Variants in EXTL2 observed in about 807,000 individuals in gnomAD.
EXTL2 encodes exostosin like glycosyltransferase 2.
EXTL2 carries 23 observed loss-of-function variants against 30.7 expected under a neutral mutation model. The observed-to-expected ratio is 0.75, with a 90% CI of 0.54 to 1.06. EXTL2 has a LOEUF of 1.06. Among genes scored for constraint, EXTL2 ranks in the 50% least tolerant of loss-of-function variants. EXTL2 has a pLI of 0.00. For synonymous variants in EXTL2, 123 were observed against 133.8 expected (o/e 0.92, Z 0.56); for missense variants, 352 against 396.3 (o/e 0.89, Z 0.95).
chr1:100,895,141 C>T (rs1557966499), upstream of EXTL2: 2 of 152,280 alleles, frequency 1.3e-5, no homozygotes, highest in Non-Finnish European at 2.9e-5. Flanking sequence ...CAGCTTCTGC[C>T]TGCACGTTGC....
At chr1:100,878,411 C>G (rs1455892381) in intron 2 of EXTL2, 1 of 470,894 alleles carries the variant, frequency 2.1e-6, no homozygotes, top group South Asian at 1.5e-5. Context: ...ACAGATAGTT[C>G]CTGAGCACTT....
chr1:100,887,554 A>G (rs1466573342), intron 2 of EXTL2, among the ~76,000 whole-genome samples: 1 of 152,188 alleles, frequency 6.6e-6, no homozygotes, highest in East Asian at 1.9e-4. Flanking sequence ...AATCTTTAGA[A>G]AGAAAGGAAA....
chr1:100,876,993 A>T (rs1649172812), intron 3 of EXTL2, 129 bp from the exon 4 acceptor site: 6 of 606,744 alleles, frequency 9.9e-6, no homozygotes, highest in Non-Finnish European at 1.7e-5. Context: ...TAAGCAATGT[A>T]TTCTTGGGGA....
chr1:100,889,224 G>C (rs1227942594), intron 1 of EXTL2, among the ~76,000 whole-genome samples: 1 of 152,204 alleles, frequency 6.6e-6, no homozygotes, highest in African/African-American at 2.4e-5. Flanking sequence ...GGGCAGGAGA[G>C]AGTGAGTAAG....
Position 100,877,949 on chromosome 1 carries a change from A to C in EXTL2, c.6-46T>G. On this transcript the variant is annotated intron_variant, in intron 2 of 4. Coordinates refer to ENST00000370114, the MANE Select transcript of EXTL2 (RefSeq NM_001033025.3). This position sits in a 1 kb window ranked among gnomAD's most constrained non-coding sequence, Gnocchi z 4.1. The stretch of plus-strand genomic sequence containing the variant: ...ACATACAAATGTTAGCATTCTTACG[A>C]GTCCCTGTGTTTTCATGTTTTTTTC... 2.1e-6 allele frequency: 3 copies of C among 1,413,060 alleles called. No individual in the cohort carries two copies. The highest frequency in any genetic ancestry group is 2.9e-6 in the Non-Finnish European group (3 of 1,041,896). The allele number at this position is 1,413,060 out of a possible 1,614,324, so 87.5% of individuals were successfully genotyped here. A position where few individuals can be genotyped will look rare whatever the true frequency, so the allele number is the denominator to read the frequency against.
At position 100,877,618 on chromosome 1, in the gene EXTL2, C is replaced by G; in HGVS notation, c.291G>C (p.Val97=). The stretch of plus-strand genomic sequence containing the variant: ...CCTTCTCTCCAATATTGTTCCATAC[C>G]ACAATCACTTTGTGCAGATTTGGTA... ...QAVPNLHKVI[V]VWNNIGEKAP... Residue 97 remains valine, a synonymous_variant, in exon 3 of 5, where the codon GTG becomes GTC. Transcript: ENST00000370114. This position sits in a 1 kb window ranked among gnomAD's most constrained non-coding sequence, Gnocchi z 4.1. 6.2e-7 allele frequency: 1 copy of G among 1,613,560 alleles called. No individual in the cohort carries two copies. Among genetic ancestry groups the G allele is most frequent in the Middle Eastern group, 1.7e-4 (1 of 6,052 alleles).
In EXTL2 at chr1:100,874,438, G is replaced by C. The variant is rs770304647; in HGVS notation, c.505-8C>G. On this transcript the variant is annotated splice_polypyrimidine_tract_variant and splice_region_variant and intron_variant, in intron 4 of 4. Coordinates refer to ENST00000370114, the MANE Select transcript of EXTL2 (RefSeq NM_001033025.3). ...AATTTGATCAGGAAATTGCTGAAAA[G>C]AGGGAAAAAGAACAATAAAATGTCA... 1.3e-6 allele frequency: 2 copies of C among 1,563,882 alleles called. No individual in the cohort carries two copies. The highest frequency in any genetic ancestry group is 1.4e-5 in the African/African-American group (1 of 72,682).
At chr1:100,874,882 GTTGAT>G (rs1400618050) in intron 4 of EXTL2, among the ~76,000 whole-genome samples, 1 of 151,938 alleles carries the variant, frequency 6.6e-6, no homozygotes, top group Non-Finnish European at 1.5e-5. Flanking sequence ...TCTTTTTCAT[GTTGAT>G]TTCGATGTTC....
At position 100,877,776 on chromosome 1, in the gene EXTL2, C is replaced by T. The variant is rs1294469381; in HGVS notation, c.133G>A (p.Glu45Lys). The change falls in exon 3 of 5, where the codon GAA (glutamate) becomes AAA (lysine). Residue 45 changes from glutamate (E) to lysine (K), a missense_variant. Transcript: ENST00000370114. The surrounding 1 kb of genome is among the most constrained non-coding windows in gnomAD (Gnocchi z 4.1). ...ALTALLPSVK[E>K]DKMLMLRREI... ...CTACGCAACATGAGCATCTTGTCTT[C>T]TTTAACACTGGGAAGTAAGGCAGTC... The T allele has an allele frequency of 1.2e-6, 2 of 1,612,412 alleles. No individual in the cohort carries two copies. Among genetic ancestry groups the T allele is most frequent in the Non-Finnish European group, 1.7e-6 (2 of 1,179,632 alleles).
intron 2 of EXTL2, among the ~76,000 whole-genome samples, chr1:100,884,374 G>T (rs1649798704): frequency 6.6e-6 from 1 of 152,176 alleles, no homozygotes; most frequent in Admixed American, 6.5e-5. Flanking sequence ...GGCCTCAGCT[G>T]CCAAGAGATA....
At chr1:100,875,676 G>A (rs774865865) in intron 4 of EXTL2, among the ~76,000 whole-genome samples, 2 of 152,012 alleles carry the variant, frequency 1.3e-5, no homozygotes, top group African/African-American at 2.4e-5. Flanking sequence ...CTGAATTTAA[G>A]TTGGTCAATG....
At chr1:100,882,875 C>T (rs561239372) in intron 2 of EXTL2, among the ~76,000 whole-genome samples, 47 of 152,188 alleles carry the variant, frequency 3.1e-4, no homozygotes, top group African/African-American at 1.1e-3. Flanking sequence ...AAAATACTGC[C>T]CCAATAATTA....
At position 100,877,723 on chromosome 1, in the gene EXTL2, G is replaced by C; in HGVS notation, c.186C>G (p.Thr62=). 1 of 1,613,500 alleles carries C rather than the reference G, an allele frequency of 6.2e-7. No homozygotes were observed. Among genetic ancestry groups the C allele is most frequent in the Non-Finnish European group, 8.5e-7 (1 of 1,179,630 alleles). The stretch of plus-strand genomic sequence containing the variant: ...GCATTATGAGAGTAAAGGAGTCCAT[G>C]GTGGACTTGCCCTGGGATTTTATTT... ...RREIKSQGKS[T]MDSFTLIMQT... The change falls in exon 3 of 5, where the codon ACC becomes ACG. Residue 62 remains threonine (T), a synonymous_variant. Transcript: ENST00000370114. The surrounding 1 kb of genome is among the most constrained non-coding windows in gnomAD (Gnocchi z 4.1).
At chr1:100,880,816 A>C (rs1649494007) in intron 2 of EXTL2, 1 of 269,086 alleles carries the variant, frequency 3.7e-6, no homozygotes, top group Non-Finnish European at 5.7e-6. Context: ...GGAATAGCAC[A>C]TTTTAAAACT....
chr1:100,887,839 C>T (rs1650089120), intron 2 of EXTL2, among the ~76,000 whole-genome samples: 1 of 152,154 alleles, frequency 6.6e-6, no homozygotes. Flanking sequence ...GCTGGGACTA[C>T]AGGCGTCCGC....
At chr1:100,878,342 A>AT in intron 2 of EXTL2, 2 of 458,262 alleles carry the variant, frequency 4.4e-6, no homozygotes, top group Admixed American at 2.5e-5. Flanking sequence ...TGGTAGGTGT[A>AT]TTACTTACCA....
At chr1:100,884,058 C>T (rs1262830659) in intron 2 of EXTL2, among the ~76,000 whole-genome samples, 1 of 152,116 alleles carries the variant, frequency 6.6e-6, no homozygotes, top group Non-Finnish European at 1.5e-5. Flanking sequence ...AAGGCTAGTT[C>T]CTTCAGACTG....
intron 1 of EXTL2, among the ~76,000 whole-genome samples, chr1:100,891,021 C>G (rs1650383263): frequency 6.6e-6 from 1 of 152,220 alleles, no homozygotes; most frequent in South Asian, 2.1e-4. Context: ...TGATCAATAC[C>G]AGCTATGACC....
Position 100,874,102 on chromosome 1 carries a change from C to A in EXTL2, c.833G>T (p.Ser278Ile). Residue 278 changes from serine to isoleucine, a missense_variant, in exon 5 of 5, where the codon AGT (serine) becomes ATT (isoleucine). Coordinates refer to ENST00000370114, the MANE Select transcript of EXTL2 (RefSeq NM_001033025.3). ...NMDNLEKETN[S>I]GYSGMWHRAE... ...TCGATGCCACATTCCAGAATAGCCA[C>A]TGTTGGTTTCTTTTTCCAAATTGTC... is the stretch of plus-strand genomic sequence containing the variant. The A allele has an allele frequency of 6.2e-7, 1 of 1,613,026 alleles. No individual in the cohort carries two copies. Among genetic ancestry groups the A allele is most frequent in the Non-Finnish European group, 8.5e-7 (1 of 1,179,512 alleles).
Sources: gnomAD v4.1 joint callset for allele counts (sites outside exome capture counted in the v4.1 genomes callset) on GRCh38, gnomAD v4.1.1 for gene constraint, Gnocchi (gnomAD v3.1) non-coding constraint, MANE v1.5 for transcripts, NCBI Gene and HGNC (gene_info 2026-07-23, HGNC 2026-07-21) for gene names.